The following VAPA variants were observed in gnomAD, a reference collection of about 807,000 sequenced individuals.
The protein encoded by VAPA is vesicle-associated membrane protein-associated protein A.
VAPA carries 6 observed loss-of-function variants against 25.6 expected under a neutral mutation model. The observed-to-expected ratio is 0.23, with a 90% confidence interval of 0.13 to 0.46. The LOEUF (loss-of-function observed/expected upper bound fraction) is 0.46. Ranked by LOEUF, VAPA falls within the 20% of genes least tolerant of loss-of-function variation. The probability of loss-of-function intolerance (pLI) is 0.99; values close to 1 mark genes in which losing one functional copy is unlikely to be tolerated. For missense variants in VAPA, 244 were observed against 302.1 expected, an observed-to-expected ratio of 0.81 and a Z score of 1.43; for synonymous variants, 112 against 106.2, an observed-to-expected ratio of 1.05 and a Z score of -0.34.
At chr18:9,938,418 A>G (rs1387945948) in intron 4 of VAPA, among the ~76,000 whole-genome samples, 3 of 152,210 alleles carry the variant, frequency 2.0e-5, no homozygotes, top group Non-Finnish European at 2.9e-5. Context: ...ATGATACGGC[A>G]ATGACAGTTG....
At chr18:9,943,586 A>G (rs1359087683) in intron 4 of VAPA, among the ~76,000 whole-genome samples, 2 of 152,164 alleles carry the variant, frequency 1.3e-5, no homozygotes, top group East Asian at 3.9e-4. Context: ...CTGTTGTACA[A>G]AATAGGGTTC....
chr18:9,916,433 A>G (rs2069112681), intron 1 of VAPA, among the ~76,000 whole-genome samples: 1 of 152,194 alleles, frequency 6.6e-6, no homozygotes, highest in South Asian at 2.1e-4. Flanking sequence ...GCATTTAAGG[A>G]AAAGGCTTGT....
At chr18:9,931,592 G>T (rs2069255416) in intron 1 of VAPA, among the ~76,000 whole-genome samples, 1 of 152,102 alleles carries the variant, frequency 6.6e-6, no homozygotes, top group South Asian at 2.1e-4. Context: ...CATGTTTATG[G>T]TAGAAATTTT....
intron 1 of VAPA, among the ~76,000 whole-genome samples, chr18:9,919,001 A>G (rs1437877261): frequency 6.6e-6 from 1 of 152,110 alleles, no homozygotes; most frequent in Non-Finnish European, 1.5e-5. Context: ...CCTGGGCTCA[A>G]GTGATCCTCC....
rs563267987 is a variant in VAPA, at chr18:9,942,507, C to T, written c.417+5441C>T. Among the ~76,000 whole-genome samples, 4 of 152,082 alleles carry T rather than the reference C, an allele frequency of 2.6e-5. No homozygotes were observed. The South Asian group carries it at 6.2e-4, about 24-fold the overall frequency. The stretch of plus-strand genomic sequence containing the variant: ...CTGTATCTCTTTGCAGAAAGAAGTA[C>T]GCTGGTATTTAAGTACTGTATTAGT... On this transcript the variant is annotated intron_variant, in intron 4 of 5. Transcript: ENST00000400000.
At chr18:9,946,396 G>A (rs1350935482) in intron 4 of VAPA, among the ~76,000 whole-genome samples, 7 of 151,934 alleles carry the variant, frequency 4.6e-5, no homozygotes, top group African/African-American at 1.5e-4. Flanking sequence ...CGGCCCACAC[G>A]TGGCCCATGA....
chr18:9,931,757 T>C, intron 1 of VAPA, 53 bp from the exon 2 acceptor site: 7 of 1,498,006 alleles, frequency 4.7e-6, no homozygotes, highest in African/African-American at 1.4e-5. Context: ...GAATCCTTCG[T>C]TGTTGAGAAT....
chr18:9,948,231 A>G (rs893988671), intron 4 of VAPA: 4 of 152,198 alleles, frequency 2.6e-5, no homozygotes, highest in Non-Finnish European at 1.5e-5. Context: ...AATTAGAAAA[A>G]TCTAAATCTA....
intron 4 of VAPA, among the ~76,000 whole-genome samples, chr18:9,937,716 G>A (rs1028630322): frequency 7.9e-5 from 12 of 152,098 alleles, no homozygotes; most frequent in Non-Finnish European, 1.8e-4. Context: ...TTTTCCTATG[G>A]TGAGAGAGAC....
intron 4 of VAPA, 69 bp downstream of exon 4, chr18:9,937,135 T>C (rs1219369167): frequency 7.4e-7 from 1 of 1,344,696 alleles, no homozygotes; most frequent in Non-Finnish European, 1.0e-6. Flanking sequence ...ATTTTGCTTT[T>C]ATTTTTGACC....
At chr18:9,919,829 C>T (rs1567891399) in intron 1 of VAPA, among the ~76,000 whole-genome samples, 1 of 152,108 alleles carries the variant, frequency 6.6e-6, no homozygotes, top group Non-Finnish European at 1.5e-5. Context: ...ATCACATTTG[C>T]ATTTAAAAAT....
chr18:9,936,583 C>A (rs551016122), intron 3 of VAPA: 14 of 200,034 alleles, frequency 7.0e-5, no homozygotes, highest in Admixed American at 3.0e-4. Flanking sequence ...ACAAAAAAAA[C>A]CACCACAACA....
intron 4 of VAPA, chr18:9,944,796 A>C (rs2069403970): frequency 8.5e-7 from 1 of 1,174,038 alleles, no homozygotes; most frequent in South Asian, 1.9e-5. Flanking sequence ...TTTCTTATGC[A>C]TTAATGCATT....
chr18:9,929,961 T>G (rs1330821231), intron 1 of VAPA, among the ~76,000 whole-genome samples: 2 of 152,198 alleles, frequency 1.3e-5, no homozygotes, highest in Non-Finnish European at 2.9e-5. Flanking sequence ...GCCCACTATC[T>G]GTATTGACAA....
In VAPA at chr18:9,956,659, T is replaced by C. The variant is rs929891441; in HGVS notation, c.*2448T>C. On this transcript the variant is annotated 3_prime_UTR_variant, in exon 6 of 6. Transcript: ENST00000400000. Reference sequence around the variant, plus strand: ...CAGATTATTTTACTACCAACAGTTATAGTTTGAAAGTCCAACTGTATTAAT... The same window carrying C: ...CAGATTATTTTACTACCAACAGTTACAGTTTGAAAGTCCAACTGTATTAAT... 3.3e-5 allele frequency: 5 copies of C among 152,672 alleles called. No homozygotes were observed. Among genetic ancestry groups the C allele is most frequent in the African/African-American group, 4.8e-5 (2 of 41,462 alleles). The allele number at this position is 152,672 out of a possible 1,614,324, so 9.5% of individuals were successfully genotyped here.
intron 4 of VAPA, chr18:9,945,083 T>TTAGG: frequency 6.2e-7 from 1 of 1,610,216 alleles, no homozygotes; most frequent in Admixed American, 1.7e-5. Flanking sequence ...GTTAACAGAC[T>TTAGG]TAGGAGTCTA....
intron 1 of VAPA, among the ~76,000 whole-genome samples, chr18:9,918,120 C>T (rs568145115): frequency 3.3e-5 from 5 of 152,218 alleles, no homozygotes; most frequent in African/African-American, 7.2e-5. Flanking sequence ...CCTGCTCATA[C>T]CCAAGGTTCT....
intron 3 of VAPA, 180 bp downstream of exon 3, chr18:9,936,393 A>ATT: frequency 4.7e-6 from 2 of 425,918 alleles, no homozygotes; most frequent in East Asian, 3.9e-5. Flanking sequence ...TTTAAATAGT[A>ATT]TTTTTTTTTA....
At chr18:9,944,563 G>A (rs776001617) in intron 4 of VAPA, among the ~76,000 whole-genome samples, 6 of 152,140 alleles carry the variant, frequency 3.9e-5, no homozygotes, top group Non-Finnish European at 7.4e-5. Context: ...ACAAGTGCTT[G>A]TTTTTCAGAT....
Sources: gnomAD v4.1 joint callset for allele counts (sites outside exome capture counted in the v4.1 genomes callset) on GRCh38, gnomAD v4.1.1 for gene constraint, MANE v1.5 for transcripts, NCBI Gene and HGNC (gene_info 2026-07-23, HGNC 2026-07-21) for gene names.